Variants in MYCL observed in about 807,000 individuals in gnomAD.
MYCL encodes protein L-Myc.
A neutral mutation model predicts 31.0 loss-of-function variants in MYCL; 11 were observed. That is an observed-to-expected ratio of 0.35 (90% CI 0.22 to 0.59). MYCL has a LOEUF of 0.59. MYCL is among the 20% of genes least tolerant of loss of function. The pLI is 0.79. For missense variants in MYCL, 427 were observed against 486.1 expected (o/e 0.88, Z 1.14); for synonymous variants, 208 against 202.4 (o/e 1.03, Z -0.23).
intron 1 of MYCL, chr1:39,898,780 A>C: frequency 1.0e-6 from 1 of 985,486 alleles, no homozygotes; most frequent in Non-Finnish European, 1.2e-6. Flanking sequence ...AGAATGTCCC[A>C]GATATGGGGC....
chr1:39,898,652 C>T, intron 1 of MYCL: 12 of 985,480 alleles, frequency 1.2e-5, no homozygotes, highest in Non-Finnish European at 1.4e-5. Context: ...TGCCCCACCT[C>T]CTTCCCTGGA....
In MYCL at chr1:39,897,715, T is replaced by C. The variant is rs1644496263; in HGVS notation, c.752A>G (p.Asp251Gly). Residue 251 changes from aspartate (D) to glycine (G), a missense_variant, in exon 2 of 2, where the codon GAT (aspartate) becomes GGT (glycine). By Grantham distance (94) the Asp-to-Gly change is moderately conservative (BLOSUM62 -1). Transcript: ENST00000372816. This position sits in a 1 kb window ranked among gnomAD's most constrained non-coding sequence, Gnocchi z 4.3. ...AGGTGGGGGACTCACAATCTCTTCATCCTCCTCATCTTCCTTTTCCCCTGC... is the reference window on the plus strand; with the variant it reads ...AGGTGGGGGACTCACAATCTCTTCACCCTCCTCATCTTCCTTTTCCCCTGC... ...DAAGEKEDEE[D>G]EEIVSPPPVE... 5.0e-6 allele frequency: 8 copies of C among 1,614,126 alleles called. No individual in the cohort carries two copies. The highest frequency in any genetic ancestry group is 6.8e-6 in the Non-Finnish European group (8 of 1,180,026).
Position 39,897,252 on chromosome 1 carries a change from G to A in MYCL, c.*120C>T, listed in dbSNP as rs1644490774. On this transcript the variant is annotated 3_prime_UTR_variant, in exon 2 of 2. Transcript: ENST00000372816. The surrounding 1 kb of genome is among the most constrained non-coding windows in gnomAD (Gnocchi z 4.3). ...GTGTGCACCGGCTGCAATGCATTCT[G>A]GGATCTACTGTCCAGACTGTCCCAC... The A allele has an allele frequency of 2.3e-6, 2 of 873,128 alleles. No individual in the cohort carries two copies. The highest frequency in any genetic ancestry group is 3.6e-6 in the Non-Finnish European group (2 of 560,648). The allele number at this position is 873,128 out of a possible 1,614,324, so 54.1% of individuals were successfully genotyped here.
At chr1:39,899,867 G>T in intron 1 of MYCL, 1 of 985,420 alleles carries the variant, frequency 1.0e-6, no homozygotes, top group Non-Finnish European at 1.2e-6. Context: ...GAGCTTTCTT[G>T]GTCCTAATTT....
rs1570181108 is a variant in MYCL at position 39,897,360 on chromosome 1, C to G, written c.*12G>C. On this transcript the variant is annotated 3_prime_UTR_variant, in exon 2 of 2. Coordinates refer to ENST00000372816, the MANE Select transcript of MYCL (RefSeq NM_001033081.3). This position sits in a 1 kb window ranked among gnomAD's most constrained non-coding sequence, Gnocchi z 4.3. ...GTCTTCGTAAGACAGAACTGTCAGGCTTTTTGGTCAGTTAGTAGCCAGTGA... is the reference window on the plus strand; with the variant it reads ...GTCTTCGTAAGACAGAACTGTCAGGGTTTTTGGTCAGTTAGTAGCCAGTGA... 1 of 1,565,620 alleles carries G rather than the reference C, an allele frequency of 6.4e-7. No individual in the cohort carries two copies. Among genetic ancestry groups the G allele is most frequent in the Admixed American group, 1.9e-5 (1 of 52,556 alleles).
chr1:39,901,451 A>T lies in MYCL; in HGVS notation c.-17T>A. 6.2e-7 allele frequency: 1 copy of T among 1,606,142 alleles called. No individual in the cohort carries two copies. The highest frequency in any genetic ancestry group is 2.2e-5 in the East Asian group (1 of 44,654). ...GTAGTCCATGTCCGCTCCCTGCGGG[A>T]GGGAAGGGGGGACGTGCTGACCGGG... is the stretch of plus-strand genomic sequence containing the variant. On this transcript the variant is annotated 5_prime_UTR_variant, in exon 1 of 2. Coordinates refer to ENST00000372816, the MANE Select transcript of MYCL (RefSeq NM_001033081.3). The surrounding 1 kb of genome is among the most constrained non-coding windows in gnomAD (Gnocchi z 6.9).
chr1:39,901,074 T>TC lies in MYCL; in HGVS notation c.360dup (p.Asn121GlufsTer48). On this transcript the variant is annotated frameshift_variant, in exon 1 of 2. Coordinates refer to ENST00000372816, the MANE Select transcript of MYCL (RefSeq NM_001033081.3). LOFTEE classifies it high-confidence loss of function. This position sits in a 1 kb window ranked among gnomAD's most constrained non-coding sequence, Gnocchi z 6.9. ...GGGGCGGCGGACGCCTTGGGCGGGT[T>TC]CCCCCGGGGCGCGCCAGGAGCGAGC... 1 of 1,563,878 alleles carries TC rather than the reference T, an allele frequency of 6.4e-7. No homozygotes were observed. Among genetic ancestry groups the TC allele is most frequent in the East Asian group, 2.4e-5 (1 of 42,374 alleles).
intron 1 of MYCL, chr1:39,898,896 TCTC>T (rs969855892): frequency 1.1e-4 from 106 of 985,170 alleles, no homozygotes; most frequent in Non-Finnish European, 1.2e-4. Flanking sequence ...GGGAGAAAAG[TCTC>T]CTCCTGCTCC....
At chr1:39,899,034 T>C (rs1644509350) in intron 1 of MYCL, 5 of 985,332 alleles carry the variant, frequency 5.1e-6, no homozygotes, top group Middle Eastern at 5.2e-4. Context: ...AAGGCTTCCA[T>C]TGTGTGGACA....
rs2124714893 is a variant in MYCL at position 39,897,370 on chromosome 1, A to T, written c.*2T>A. The stretch of plus-strand genomic sequence containing the variant: ...GACAGAACTGTCAGGCTTTTTGGTC[A>T]GTTAGTAGCCAGTGAGGTATGCAAT... On this transcript the variant is annotated 3_prime_UTR_variant, in exon 2 of 2. Coordinates refer to ENST00000372816, the MANE Select transcript of MYCL (RefSeq NM_001033081.3). The surrounding 1 kb of genome is among the most constrained non-coding windows in gnomAD (Gnocchi z 4.3). 2 of 1,570,534 alleles carry T rather than the reference A, an allele frequency of 1.3e-6. No individual in the cohort carries two copies. Among genetic ancestry groups the T allele is most frequent in the Admixed American group, 1.9e-5 (1 of 52,808 alleles).
chr1:39,898,808 T>C, intron 1 of MYCL: 1 of 985,492 alleles, frequency 1.0e-6, no homozygotes, highest in Non-Finnish European at 1.2e-6. Flanking sequence ...ACCAGAGACC[T>C]GGAGACACCT....
Position 39,901,723 on chromosome 1 carries a change from G to A in MYCL, c.-289C>T, listed in dbSNP as rs1206850754. The A allele has an allele frequency of 6.6e-6, 8 of 1,212,132 alleles. No homozygotes were observed. Among genetic ancestry groups the A allele is most frequent in the Admixed American group, 4.5e-5 (1 of 22,042 alleles). 75.1% of individuals were successfully genotyped at this position (1,212,132 alleles called of 1,614,324 possible). ...CTCCCAGGGCCCGGCGGGGCCGGGC[G>A]GGGGCGCGCCGTGCCCAGAAGGCAG... On this transcript the variant is annotated 5_prime_UTR_variant, in exon 1 of 2. Transcript: ENST00000372816. The surrounding 1 kb of genome is among the most constrained non-coding windows in gnomAD (Gnocchi z 6.9).
At position 39,901,707 on chromosome 1, in the gene MYCL, CCCGGCGGGG is replaced by C; in HGVS notation, c.-282_-274del. 3 of 1,227,716 alleles carry C rather than the reference CCCGGCGGGG, an allele frequency of 2.4e-6. No homozygotes were observed. The highest frequency in any genetic ancestry group is 3.0e-6 in the Non-Finnish European group (3 of 988,040). The allele number at this position is 1,227,716 out of a possible 1,614,324, so 76.1% of individuals were successfully genotyped here. A position where few individuals can be genotyped will look rare whatever the true frequency, so the allele number is the denominator to read the frequency against. On this transcript the variant is annotated 5_prime_UTR_variant, in exon 1 of 2. Coordinates refer to ENST00000372816, the MANE Select transcript of MYCL (RefSeq NM_001033081.3). This position sits in a 1 kb window ranked among gnomAD's most constrained non-coding sequence, Gnocchi z 6.9. ...GCCGCCCGGAGCGCAGCTCCCAGGGCCCGGCGGGGCCGGGCGGGGGCGCGCCGTGCCCAG... is the reference window on the plus strand; with the variant it reads ...GCCGCCCGGAGCGCAGCTCCCAGGGCCCGGGCGGGGGCGCGCCGTGCCCAG...
chr1:39,901,087 G>C lies in MYCL; in HGVS notation c.348C>G (p.Gly116=). 6.3e-7 allele frequency: 1 copy of C among 1,575,844 alleles called. No individual in the cohort carries two copies. The highest frequency in any genetic ancestry group is 8.6e-7 in the Non-Finnish European group (1 of 1,161,194). Residue 116 remains glycine, a synonymous_variant, in exon 1 of 2, where the codon GGC becomes GGG. Transcript: ENST00000372816. This position sits in a 1 kb window ranked among gnomAD's most constrained non-coding sequence, Gnocchi z 6.9. ...CCTTGGGCGGGTTCCCCCGGGGCGC[G>C]CCAGGAGCGAGCCGGTCGCTCACAG... ...ERAVSDRLAP[G]APRGNPPKAS... is the part of the protein sequence containing the mutation.
At chr1:39,898,085 AT>A in intron 1 of MYCL, 115 bp from the exon 2 acceptor site, 2 of 1,430,552 alleles carry the variant, frequency 1.4e-6, no homozygotes, top group Non-Finnish European at 1.8e-6. Flanking sequence ...CATTTTTCCA[AT>A]TTAGATATAT....
rs960879347 is a variant in MYCL at position 39,899,192 on chromosome 1, A to AC, written c.497-1223dup. Reference sequence around the variant, plus strand: ...AGCTCTGCTGCCAATCACTTTCCCCACCCCCCGCCTCATTGTTTGCAATCT... The same window carrying AC: ...AGCTCTGCTGCCAATCACTTTCCCCACCCCCCCGCCTCATTGTTTGCAATCT... On this transcript the variant is annotated intron_variant, in intron 1 of 1. Coordinates refer to ENST00000372816, the MANE Select transcript of MYCL (RefSeq NM_001033081.3). The AC allele has an allele frequency of 8.6e-5, 45 of 521,962 alleles. No homozygotes were observed. The South Asian group carries it at 1.0e-3, about 12-fold the overall frequency. The allele number at this position is 521,962 out of a possible 1,614,324, so 32.3% of individuals were successfully genotyped here.
chr1:39,901,737 C>T lies in MYCL; in HGVS notation c.-303G>A. ...CGGGGCCGGGCGGGGGCGCGCCGTG[C>T]CCAGAAGGCAGCCTGCAGCCAGCCC... On this transcript the variant is annotated 5_prime_UTR_variant, in exon 1 of 2. Coordinates refer to ENST00000372816, the MANE Select transcript of MYCL (RefSeq NM_001033081.3). The surrounding 1 kb of genome is among the most constrained non-coding windows in gnomAD (Gnocchi z 6.9). 8.2e-7 allele frequency: 1 copy of T among 1,215,880 alleles called. No homozygotes were observed. Among genetic ancestry groups the T allele is most frequent in the Non-Finnish European group, 1.0e-6 (1 of 980,382 alleles). 75.3% of individuals were successfully genotyped at this position (1,215,880 alleles called of 1,614,324 possible). A position where few individuals can be genotyped will look rare whatever the true frequency, so the allele number is the denominator to read the frequency against.
At position 39,901,774 on chromosome 1, in the gene MYCL, C is replaced by T. The variant is rs1644543369; in HGVS notation, c.-340G>A. ...CCTGCAGCCAGCCCGCACCGCGGGACCCGCGCCCGTGCCCTGGCCACCCGC... is the reference window on the plus strand; with the variant it reads ...CCTGCAGCCAGCCCGCACCGCGGGATCCGCGCCCGTGCCCTGGCCACCCGC... On this transcript the variant is annotated 5_prime_UTR_variant, in exon 1 of 2. Transcript: ENST00000372816. This position sits in a 1 kb window ranked among gnomAD's most constrained non-coding sequence, Gnocchi z 6.9. 8.0e-7 allele frequency: 1 copy of T among 1,242,248 alleles called. No individual in the cohort carries two copies. Among genetic ancestry groups the T allele is most frequent in the Non-Finnish European group, 1.0e-6 (1 of 986,814 alleles). The allele number at this position is 1,242,248 out of a possible 1,614,324, so 77.0% of individuals were successfully genotyped here.
intron 1 of MYCL, chr1:39,899,052 T>C: frequency 1.0e-6 from 1 of 985,460 alleles, no homozygotes; most frequent in Non-Finnish European, 1.2e-6. Context: ...ACAATCGCAT[T>C]ATTTCTCCAT....
Sources: gnomAD v4.1 joint callset for allele counts on GRCh38, gnomAD v4.1.1 for gene constraint, Gnocchi (gnomAD v3.1) non-coding constraint, MANE v1.5 for transcripts, NCBI Gene and HGNC (gene_info 2026-07-23, HGNC 2026-07-21) for gene names.